The following TSC22D1 variants were observed in gnomAD, a reference collection of about 807,000 sequenced individuals.
TSC22D1 encodes TSC22 domain family member 1, also known as TSC22 domain family protein 1.
A neutral mutation model predicts 74.2 loss-of-function variants in TSC22D1; 9 were observed. The ratio of observed to expected loss-of-function variants is 0.12; its 90% confidence interval spans 0.07 to 0.21. The LOEUF is 0.21. Among genes scored for constraint, TSC22D1 ranks in the 10% least tolerant of loss-of-function variants. The pLI is 1.00. For missense variants in TSC22D1, 1,427 were observed against 1,304.7 expected (o/e 1.09, Z -1.44); for synonymous variants, 586 against 492.5 (o/e 1.19, Z -2.51).
rs939969552 is a variant in TSC22D1, at chr13:44,573,878, C to A, written c.2197G>T (p.Gly733Cys). ...GCAGTAGGTATGTTTGCTTGCTGAC[C>A]AATATTTGCAATCTGACTGCCAGTA... ...VPTGSQIANI[G>C]QQANIPTAVQ... Residue 733 changes from glycine to cysteine, a missense_variant, in exon 1 of 3, where the codon GGT becomes TGT. Physicochemically the swap from Gly to Cys is radical, Grantham distance 159. This residue lies in a region of TSC22D1 where 1,343 missense variants were observed against 1,191.5 expected (regional missense o/e 1.13). Coordinates refer to ENST00000458659, the MANE Select transcript of TSC22D1 (RefSeq NM_183422.4). The A allele has an allele frequency of 6.2e-7, 1 of 1,614,158 alleles. No homozygotes were observed. Among genetic ancestry groups the A allele is most frequent in the African/African-American group, 1.3e-5 (1 of 75,044 alleles).
At chr13:44,567,588 A>C (rs1349198004) in intron 1 of TSC22D1, among the ~76,000 whole-genome samples, 1 of 152,020 alleles carries the variant, frequency 6.6e-6, no homozygotes, top group Non-Finnish European at 1.5e-5. Flanking sequence ...ATAGAATAGT[A>C]TACTATTAAA....
intron 1 of TSC22D1, among the ~76,000 whole-genome samples, chr13:44,518,082 G>C (rs1880140451): frequency 2.0e-5 from 3 of 146,522 alleles, no homozygotes; most frequent in Admixed American, 1.4e-4. Context: ...TCAAACTCCT[G>C]GACTCAAGTG....
chr13:44,544,950 T>C lies in TSC22D1; in HGVS notation c.2912+28213A>G, dbSNP rs570401951. Among the ~76,000 whole-genome samples the C allele has an allele frequency of 3.9e-5, 6 of 152,114 alleles. No homozygotes were observed. In the South Asian group the frequency reaches 8.3e-4, roughly 21 times the overall value. ...AGTTAATTCACTATAGAATAAAAGA[T>C]AAAAGGCAATCATAGAAACACAGTT... On this transcript the variant is annotated intron_variant, in intron 1 of 2. Coordinates refer to ENST00000458659, the MANE Select transcript of TSC22D1 (RefSeq NM_183422.4).
chr13:44,573,338 C>T lies in TSC22D1; in HGVS notation c.2737G>A (p.Ala913Thr). ...AQAIGSQIED[A>T]RRAAEPSLVG... ...AAGGAGGGCTCCGCTGCACGCCTGGCATCTTCAATTTGGCTTCCAATTGCC... is the reference window on the plus strand; with the variant it reads ...AAGGAGGGCTCCGCTGCACGCCTGGTATCTTCAATTTGGCTTCCAATTGCC... Residue 913 changes from alanine to threonine, a missense_variant, in exon 1 of 3, where the codon GCC becomes ACC. By Grantham distance (58) the Ala-to-Thr change is moderately conservative (BLOSUM62 0). Coordinates refer to ENST00000458659, the MANE Select transcript of TSC22D1 (RefSeq NM_183422.4). 1.9e-6 allele frequency: 3 copies of T among 1,614,278 alleles called. No homozygotes were observed.
At chr13:44,522,238 G>A (rs1273692944) in intron 1 of TSC22D1, among the ~76,000 whole-genome samples, 2 of 152,158 alleles carry the variant, frequency 1.3e-5, no homozygotes, top group Non-Finnish European at 2.9e-5. Context: ...ATGAGCCAAA[G>A]GTGGCTGGAG....
intron 1 of TSC22D1, among the ~76,000 whole-genome samples, chr13:44,523,806 G>A (rs1880426095): frequency 6.6e-6 from 1 of 152,196 alleles, no homozygotes; most frequent in Non-Finnish European, 1.5e-5. Flanking sequence ...GATTGCAGAA[G>A]TTAGGGGGTG....
intron 1 of TSC22D1, chr13:44,436,885 A>G: frequency 1.7e-6 from 2 of 1,155,510 alleles, no homozygotes; most frequent in Non-Finnish European, 2.1e-6. Context: ...AGTGCAAAAT[A>G]TATGCAGGAA....
At chr13:44,485,967 A>T (rs1247108344) in intron 1 of TSC22D1, among the ~76,000 whole-genome samples, 1 of 151,992 alleles carries the variant, frequency 6.6e-6, no homozygotes, top group Non-Finnish European at 1.5e-5. Context: ...ATTTTGTTAG[A>T]TGGATTAGAC....
At chr13:44,497,916 C>G (rs1879044050) in intron 1 of TSC22D1, among the ~76,000 whole-genome samples, 1 of 152,102 alleles carries the variant, frequency 6.6e-6, no homozygotes, top group African/African-American at 2.4e-5. Context: ...TCCCTGATAG[C>G]TTTCAGGATA....
chr13:44,507,382 G>T lies in TSC22D1; in HGVS notation c.2912+65781C>A, dbSNP rs754982622. 3.3e-5 allele frequency among the ~76,000 whole-genome samples: 5 copies of T among 152,056 alleles called. 1 individual carries two copies. The South Asian group carries it at 1.0e-3, about 32-fold the overall frequency. On this transcript the variant is annotated intron_variant, in intron 1 of 2. Transcript: ENST00000458659. ...TAGGGAGGTCTGAGAAGGCGTCAGA[G>T]TAATACATTATACTGAAGGACTAAG...
intron 1 of TSC22D1, among the ~76,000 whole-genome samples, chr13:44,524,869 T>C (rs752886604): frequency 6.4e-4 from 97 of 151,944 alleles, no homozygotes; most frequent in Admixed American, 2.7e-3. Context: ...AAAAGCCCCA[T>C]CAGGTTGTCA....
intron 1 of TSC22D1, among the ~76,000 whole-genome samples, chr13:44,532,512 C>T (rs757231847): frequency 1.3e-5 from 2 of 152,110 alleles, no homozygotes; most frequent in Admixed American, 6.5e-5. Flanking sequence ...CTTGCTCTGT[C>T]GCCCAGGCTG....
chr13:44,531,194 G>A (rs1880816980), intron 1 of TSC22D1, among the ~76,000 whole-genome samples: 1 of 152,152 alleles, frequency 6.6e-6, no homozygotes, highest in Non-Finnish European at 1.5e-5. Context: ...ATGGTAACAG[G>A]AAACTGTGGG....
chr13:44,555,227 G>A (rs1015661292), intron 1 of TSC22D1, among the ~76,000 whole-genome samples: 1 of 150,692 alleles, frequency 6.6e-6, no homozygotes, highest in African/African-American at 2.4e-5. Context: ...CAAGTGTCTT[G>A]CAAAAATGCC....
chr13:44,497,913 T>C (rs755504372), intron 1 of TSC22D1, among the ~76,000 whole-genome samples: 2 of 152,170 alleles, frequency 1.3e-5, no homozygotes, highest in Admixed American at 6.5e-5. Flanking sequence ...TGTTCCCTGA[T>C]AGCTTTCAGG....
intron 1 of TSC22D1, among the ~76,000 whole-genome samples, chr13:44,459,401 C>G (rs914050427): frequency 6.6e-6 from 1 of 152,202 alleles, no homozygotes; most frequent in African/African-American, 2.4e-5. Context: ...ATTGGCACGA[C>G]CTGCCTGCAG....
intron 1 of TSC22D1, chr13:44,537,431 A>G: frequency 2.0e-6 from 2 of 985,050 alleles, no homozygotes; most frequent in Non-Finnish European, 2.4e-6. Context: ...AAAGCATGAG[A>G]TTAAGAGATT....
At chr13:44,496,764 C>A (rs1213183293) in intron 1 of TSC22D1, among the ~76,000 whole-genome samples, 1 of 151,944 alleles carries the variant, frequency 6.6e-6, no homozygotes, top group Admixed American at 6.6e-5. Context: ...ATTCAGGAGA[C>A]AAAGATAGGG....
At chr13:44,508,466 T>TA (rs1879538659) in intron 1 of TSC22D1, among the ~76,000 whole-genome samples, 2 of 152,046 alleles carry the variant, frequency 1.3e-5, no homozygotes, top group Admixed American at 1.3e-4. Context: ...ATTGTTTTTT[T>TA]AAAAAAAGGA....
Sources: gnomAD v4.1 joint callset for allele counts (sites outside exome capture counted in the v4.1 genomes callset) on GRCh38, gnomAD v4.1.1 for gene constraint, gnomAD v4.1.1 regional missense constraint, MANE v1.5 for transcripts, NCBI Gene and HGNC (gene_info 2026-07-23, HGNC 2026-07-21) for gene names.